The following XYLB variants were observed in gnomAD, a reference collection of about 807,000 sequenced individuals.
XYLB encodes xylulokinase.
A neutral mutation model predicts 78.7 loss-of-function variants in XYLB; 62 were observed. The ratio of observed to expected loss-of-function variants is 0.79; its 90% confidence interval spans 0.64 to 0.97. XYLB has a LOEUF of 0.97. XYLB is among the 50% of genes least tolerant of loss of function. XYLB has a pLI of 0.00. For missense variants in XYLB, 687 were observed against 676.8 expected, an observed-to-expected ratio of 1.02 and a Z score of -0.17; for synonymous variants, 245 against 247.4, an observed-to-expected ratio of 0.99 and a Z score of 0.09.
chr3:38,351,602 G>A (rs905652893), intron 2 of XYLB, among the ~76,000 whole-genome samples: 1 of 152,010 alleles, frequency 6.6e-6, no homozygotes, highest in African/African-American at 2.4e-5. Flanking sequence ...ATTCTTTCAT[G>A]AAACTATCAC....
At position 38,346,850 on chromosome 3, in the gene XYLB, C is replaced by G. The variant is rs1176548189; in HGVS notation, c.-19C>G. The stretch of plus-strand genomic sequence containing the variant: ...GCGGACGGACGGACTGACGGACGCG[C>G]AGCCTTACCCGAAAGGCCATGGCGG... On this transcript the variant is annotated 5_prime_UTR_variant, in exon 1 of 19. Transcript: ENST00000207870. 1 of 1,503,670 alleles carries G rather than the reference C, an allele frequency of 6.7e-7. No individual in the cohort carries two copies. Among genetic ancestry groups the G allele is most frequent in the Admixed American group, 2.2e-5 (1 of 46,246 alleles). 93.1% of individuals were successfully genotyped at this position (1,503,670 alleles called of 1,614,324 possible).
intron 2 of XYLB, 92 bp downstream of exon 2, chr3:38,348,724 C>A: frequency 1.7e-6 from 2 of 1,197,066 alleles, no homozygotes; most frequent in South Asian, 1.2e-5. Context: ...ACTGTTGAGG[C>A]TTTGCCAAAT....
At chr3:38,384,451 C>T (rs1030582720) in intron 15 of XYLB, among the ~76,000 whole-genome samples, 1 of 152,222 alleles carries the variant, frequency 6.6e-6, no homozygotes, top group Non-Finnish European at 1.5e-5. Context: ...CAGTCCTTCT[C>T]TCTTCCCAGA....
At chr3:38,435,175 G>T in the XYLB span, among the ~76,000 whole-genome samples, 16 of 152,080 alleles carry the variant, frequency 1.1e-4, no homozygotes, top group Non-Finnish European at 2.2e-4. Flanking sequence ...ACTGTATGTT[G>T]CTTACAGGAA....
chr3:38,355,817 A>G (rs771992441), intron 2 of XYLB: 2 of 702,968 alleles, frequency 2.8e-6, no homozygotes, highest in South Asian at 3.0e-5. Flanking sequence ...ATGGAGCAGA[A>G]CTCCCCACTC....
At chr3:38,373,329 C>T (rs997989922) in intron 10 of XYLB, among the ~76,000 whole-genome samples, 7 of 152,182 alleles carry the variant, frequency 4.6e-5, no homozygotes, top group Non-Finnish European at 8.8e-5. Flanking sequence ...ACCTCACCCC[C>T]ACCCCAGGAA....
chr3:38,412,288 G>T (rs1450004138), intron 18 of XYLB, among the ~76,000 whole-genome samples: 1 of 152,180 alleles, frequency 6.6e-6, no homozygotes, highest in East Asian at 1.9e-4. Flanking sequence ...ACCATGCCCG[G>T]CCAGATCTCA....
chr3:38,449,509 C>T, the XYLB span, among the ~76,000 whole-genome samples: 2 of 152,232 alleles, frequency 1.3e-5, no homozygotes, highest in African/African-American at 4.8e-5. Flanking sequence ...GCTCCTGCCT[C>T]AGCCTCCTGA....
chr3:38,360,399 G>T lies in XYLB; in HGVS notation c.201G>T (p.Met67Ile). ...DGLTVTSPVL[M>I]WVQALDIILE... is the part of the protein sequence containing the mutation. ...TGACGGTCACTTCTCCAGTACTAAT[G>T]TGGGTCCAGGTAAGCGCAGGGATTC... The change falls in exon 3 of 19, where the codon ATG becomes ATT. Residue 67 changes from methionine to isoleucine, a missense_variant. Transcript: ENST00000207870. 1 of 1,604,744 alleles carries T rather than the reference G, an allele frequency of 6.2e-7. No individual in the cohort carries two copies. Among genetic ancestry groups the T allele is most frequent in the Middle Eastern group, 1.7e-4 (1 of 6,010 alleles).
At chr3:38,376,037 C>T in intron 12 of XYLB, 80 bp from the exon 13 acceptor site, 2 of 959,502 alleles carry the variant, frequency 2.1e-6, no homozygotes, top group Non-Finnish European at 3.4e-6. Flanking sequence ...AGTTCCTCTG[C>T]CTGAGTCTCT....
At chr3:38,347,600 C>T (rs1705138680) in intron 1 of XYLB, among the ~76,000 whole-genome samples, 1 of 151,830 alleles carries the variant, frequency 6.6e-6, no homozygotes, top group Non-Finnish European at 1.5e-5. Flanking sequence ...CGCTTGAGCC[C>T]AGGAGGTGGA....
chr3:38,426,849 TGGCTGTCATGCACAC>T, the XYLB span, among the ~76,000 whole-genome samples: 1 of 152,208 alleles, frequency 6.6e-6, no homozygotes, highest in Non-Finnish European at 1.5e-5. Context: ...ATGCTCATGA[TGGCTGTCATGCACAC>T]TGCTAAAAGT....
At chr3:38,439,507 A>T in the XYLB span, among the ~76,000 whole-genome samples, 25 of 152,216 alleles carry the variant, frequency 1.6e-4, no homozygotes, top group African/African-American at 5.8e-4. Context: ...TCACGCCTGT[A>T]ATCCCAGCAC....
chr3:38,408,136 A>G (rs1298708977), intron 18 of XYLB, among the ~76,000 whole-genome samples: 6 of 151,674 alleles, frequency 4.0e-5, no homozygotes, highest in Non-Finnish European at 7.4e-5. Context: ...ACTTGGAAGT[A>G]AAGCTCTCCT....
intron 15 of XYLB, among the ~76,000 whole-genome samples, chr3:38,380,405 G>C (rs1411834195): frequency 6.6e-6 from 1 of 152,120 alleles, no homozygotes; most frequent in Admixed American, 6.5e-5. Flanking sequence ...AAGGAGGTTG[G>C]ACTGGCCGCC....
chr3:38,381,274 A>G (rs1446116181), intron 15 of XYLB, among the ~76,000 whole-genome samples: 1 of 152,174 alleles, frequency 6.6e-6, no homozygotes. Flanking sequence ...GACACTTATC[A>G]CTTCCCCAAT....
downstream of XYLB, among the ~76,000 whole-genome samples, chr3:38,426,155 A>C (rs1337351094): frequency 6.6e-6 from 1 of 152,222 alleles, no homozygotes; most frequent in Non-Finnish European, 1.5e-5. Flanking sequence ...TTCACAGTAC[A>C]AACAGCAGAC....
In XYLB at chr3:38,365,825, G is replaced by A. The variant is rs1706230547; in HGVS notation, c.507+89G>A. 4 of 1,459,714 alleles carry A rather than the reference G, an allele frequency of 2.7e-6. No individual in the cohort carries two copies. The Admixed American group carries it at 7.2e-5, about 26-fold the overall frequency. The allele number at this position is 1,459,714 out of a possible 1,614,324, so 90.4% of individuals were successfully genotyped here. On this transcript the variant is annotated intron_variant, in intron 6 of 18. Transcript: ENST00000207870. The stretch of plus-strand genomic sequence containing the variant: ...TGACCTGCCTCTGGGGGGATCACAT[G>A]AGGTCATGGAGGTGTTGTGGAGCCA...
the XYLB span, among the ~76,000 whole-genome samples, chr3:38,432,649 C>A: frequency 6.6e-6 from 1 of 152,176 alleles, no homozygotes; most frequent in East Asian, 1.9e-4. Context: ...TTGGCCAAAA[C>A]AAAGGGGCTA....
Sources: gnomAD v4.1 joint callset for allele counts (sites outside exome capture counted in the v4.1 genomes callset) on GRCh38, gnomAD v4.1.1 for gene constraint, MANE v1.5 for transcripts, NCBI Gene and HGNC (gene_info 2026-07-23, HGNC 2026-07-21) for gene names.